Variants in RAPGEF5 observed in about 807,000 individuals in gnomAD.
RAPGEF5 encodes M-Ras-regulated GEF.
In RAPGEF5, 65 loss-of-function variants were observed where a neutral mutation model predicts 125.2. The ratio of observed to expected loss-of-function variants is 0.52; its 90% confidence interval spans 0.43 to 0.64. RAPGEF5 has a LOEUF of 0.64. Ranked by LOEUF, RAPGEF5 falls within the 30% of genes least tolerant of loss-of-function variation. The probability of loss-of-function intolerance (pLI) is 0.00; values close to 1 mark genes in which losing one functional copy is unlikely to be tolerated. For missense variants in RAPGEF5, 958 were observed against 1,048.1 expected (o/e 0.91, Z 1.19); for synonymous variants, 391 against 385.9 (o/e 1.01, Z -0.16).
chr7:22,147,198 G>T (rs1032895485), intron 18 of RAPGEF5, among the ~76,000 whole-genome samples, 179 bp from the exon 19 acceptor site: 1 of 152,180 alleles, frequency 6.6e-6, no homozygotes, highest in Non-Finnish European at 1.5e-5. Context: ...AAACGGTCTT[G>T]GGAACAGTAG....
chr7:22,138,726 C>G (rs6966148), intron 21 of RAPGEF5, among the ~76,000 whole-genome samples: 92,780 of 151,722 alleles, frequency 0.61, 28,411 homozygotes, highest in Middle Eastern at 0.68. Context: ...TGCTATGGCA[C>G]TGATGCAGTG....
intron 7 of RAPGEF5, among the ~76,000 whole-genome samples, chr7:22,258,059 T>C (rs1782046340): frequency 1.3e-5 from 2 of 152,154 alleles, no homozygotes; most frequent in African/African-American, 2.4e-5. Context: ...AGATAATTTT[T>C]AAGGAAGCTA....
At position 22,357,099 on chromosome 7, in the gene RAPGEF5, C is replaced by T. The variant is rs893412304; in HGVS notation, c.-39G>A. 3.1e-5 allele frequency: 31 copies of T among 989,588 alleles called. No homozygotes were observed. Among genetic ancestry groups the T allele is most frequent in the Non-Finnish European group, 3.5e-5 (29 of 825,354 alleles). 61.3% of individuals were successfully genotyped at this position (989,588 alleles called of 1,614,324 possible). ...TGCGGCGCCGGGGGCTCCTCTCCACCGCGCTCGCCTCCGCGCGCCGTCCGC... is the reference window on the plus strand; with the variant it reads ...TGCGGCGCCGGGGGCTCCTCTCCACTGCGCTCGCCTCCGCGCGCCGTCCGC... On this transcript the variant is annotated 5_prime_UTR_variant, in exon 1 of 26. Coordinates refer to ENST00000665637, the MANE Select transcript of RAPGEF5 (RefSeq NM_012294.5).
At chr7:22,218,135 A>C (rs1273080451) in intron 9 of RAPGEF5, among the ~76,000 whole-genome samples, 1 of 152,186 alleles carries the variant, frequency 6.6e-6, no homozygotes, top group Non-Finnish European at 1.5e-5. Context: ...CCCAGTGAGA[A>C]CACAAGGACA....
At chr7:22,350,366 A>T (rs1784308467) in intron 1 of RAPGEF5, among the ~76,000 whole-genome samples, 2 of 152,264 alleles carry the variant, frequency 1.3e-5, no homozygotes, top group Admixed American at 1.3e-4. Context: ...TTTAAAAAAT[A>T]GAATCCAACA....
chr7:22,198,594 A>T (rs1785205776), intron 9 of RAPGEF5, among the ~76,000 whole-genome samples: 1 of 152,218 alleles, frequency 6.6e-6, no homozygotes, highest in Non-Finnish European at 1.5e-5. Flanking sequence ...ATTTTATTCC[A>T]TAATGGTAGA....
Position 22,284,745 on chromosome 7 carries a change from T to C in RAPGEF5, c.747+6430A>G, listed in dbSNP as rs182826210. ...CATGTCTGATCAGGCTGCGATAGTC[T>C]AAGGGAAGGGATTACCTACACTCCA... On this transcript the variant is annotated intron_variant, in intron 6 of 25. Transcript: ENST00000665637. Among the ~76,000 whole-genome samples, 525 of 152,290 alleles carry C rather than the reference T, an allele frequency of 3.4e-3. 1 individual carries two copies. The highest frequency in any genetic ancestry group is 5.2e-3 in the Non-Finnish European group (353 of 68,000).
intron 9 of RAPGEF5, among the ~76,000 whole-genome samples, chr7:22,203,871 C>T (rs1172212233): frequency 6.6e-6 from 1 of 152,066 alleles, no homozygotes; most frequent in Non-Finnish European, 1.5e-5. Flanking sequence ...GAGATCACGT[C>T]GGAAGAAATG....
chr7:22,131,868 T>G (rs1187598676), intron 23 of RAPGEF5, among the ~76,000 whole-genome samples: 1 of 152,148 alleles, frequency 6.6e-6, no homozygotes, highest in African/African-American at 2.4e-5. Flanking sequence ...GATTTGGAAA[T>G]TAGTTACATT....
At chr7:22,219,062 A>G (rs532642717) in intron 9 of RAPGEF5, among the ~76,000 whole-genome samples, 1 of 152,322 alleles carries the variant, frequency 6.6e-6, no homozygotes, top group East Asian at 1.9e-4. Flanking sequence ...AATCTCAAGG[A>G]AAAATTAAAG....
rs1317658680 is a variant in RAPGEF5 at position 22,206,001 on chromosome 7, A to T, written c.997-11968T>A. ...ACATATTCAATCAGAGTGAAAAAAGAGCTACTCAGAACTTCCTGAGTAATC... is the reference window on the plus strand; with the variant it reads ...ACATATTCAATCAGAGTGAAAAAAGTGCTACTCAGAACTTCCTGAGTAATC... On this transcript the variant is annotated intron_variant, in intron 9 of 25. Coordinates refer to ENST00000665637, the MANE Select transcript of RAPGEF5 (RefSeq NM_012294.5). 2.6e-5 allele frequency among the ~76,000 whole-genome samples: 4 copies of T among 152,228 alleles called. No homozygotes were observed. The East Asian group carries it at 7.7e-4, about 29-fold the overall frequency.
rs557727989 is a variant in RAPGEF5 at position 22,200,237 on chromosome 7, A to G, written c.997-6204T>C. ...ATCTCCTCTGGCCAAAAAGAATTTTATTCGAGAACAACCCTTAGATAATTT... is the reference window on the plus strand; with the variant it reads ...ATCTCCTCTGGCCAAAAAGAATTTTGTTCGAGAACAACCCTTAGATAATTT... On this transcript the variant is annotated intron_variant, in intron 9 of 25. Coordinates refer to ENST00000665637, the MANE Select transcript of RAPGEF5 (RefSeq NM_012294.5). Among the ~76,000 whole-genome samples the G allele has an allele frequency of 9.8e-4, 149 of 152,358 alleles. 1 individual carries two copies. The highest frequency in any genetic ancestry group is 2.3e-3 in the Admixed American group (35 of 15,304).
At chr7:22,173,195 A>C (rs1236857741) in intron 11 of RAPGEF5, among the ~76,000 whole-genome samples, 1 of 152,238 alleles carries the variant, frequency 6.6e-6, no homozygotes, top group East Asian at 1.9e-4. Flanking sequence ...CAGTGCCAAA[A>C]TGTACCATGT....
chr7:22,352,851 T>C (rs897244190), intron 1 of RAPGEF5, among the ~76,000 whole-genome samples: 4 of 146,534 alleles, frequency 2.7e-5, no homozygotes, highest in African/African-American at 7.5e-5. Context: ...AGAAGAATGA[T>C]GGATTTAGAT....
rs1023809771 is a variant in RAPGEF5 at position 22,234,867 on chromosome 7, C to A, written c.797-3948G>T. Among the ~76,000 whole-genome samples, 31 of 150,682 alleles carry A rather than the reference C, an allele frequency of 2.1e-4. No homozygotes were observed. In the East Asian group the frequency reaches 5.9e-3, roughly 29 times the overall value. On this transcript the variant is annotated intron_variant, in intron 7 of 25. Transcript: ENST00000665637. ...CAACAAAAAACAACTCTGTCAGTAA[C>A]TCTATTATAATAATAATACTTAAAC... is the stretch of plus-strand genomic sequence containing the variant.
intron 11 of RAPGEF5, among the ~76,000 whole-genome samples, chr7:22,172,554 T>A (rs773767640): frequency 3.9e-5 from 6 of 152,230 alleles, no homozygotes; most frequent in Non-Finnish European, 7.3e-5. Flanking sequence ...GCTCTAAAAA[T>A]TCCCATTTTA....
intron 10 of RAPGEF5, 31 bp from the exon 11 acceptor site, chr7:22,193,486 T>C (rs1320442957): frequency 6.4e-7 from 1 of 1,568,702 alleles, no homozygotes; most frequent in South Asian, 1.2e-5. Flanking sequence ...CACTGAGTCA[T>C]CCTCGGTGGA....
chr7:22,194,629 C>T (rs1785103735), intron 9 of RAPGEF5: 2 of 984,756 alleles, frequency 2.0e-6, no homozygotes, highest in Non-Finnish European at 2.4e-6. Context: ...TTATAATGTA[C>T]TAGTTTTGCC....
intron 17 of RAPGEF5, among the ~76,000 whole-genome samples, chr7:22,151,408 T>C (rs1783621954): frequency 6.6e-6 from 1 of 152,128 alleles, no homozygotes; most frequent in South Asian, 2.1e-4. Flanking sequence ...ACAATATATT[T>C]TCCTAAAAAA....
Sources: gnomAD v4.1 joint callset for allele counts (sites outside exome capture counted in the v4.1 genomes callset) on GRCh38, gnomAD v4.1.1 for gene constraint, MANE v1.5 for transcripts, NCBI Gene and HGNC (gene_info 2026-07-23, HGNC 2026-07-21) for gene names.